RTTN: variants seen among roughly 807,000 people sequenced by gnomAD.
RTTN encodes rotatin.
Under a neutral mutation model 269.2 loss-of-function variants are expected in RTTN, and 182 were observed. The ratio of observed to expected loss-of-function variants is 0.68; its 90% CI spans 0.60 to 0.76. RTTN has a LOEUF of 0.76. RTTN is among the 30% of genes least tolerant of loss of function. The pLI is 0.00. For missense variants in RTTN, 2,545 were observed against 2,608.6 expected, an observed-to-expected ratio of 0.98 and a Z score of 0.53; for synonymous variants, 1,006 against 963.5, an observed-to-expected ratio of 1.04 and a Z score of -0.82.
chr18:70,100,877 G>A (rs879362550), intron 28 of RTTN, among the ~76,000 whole-genome samples: 4 of 152,268 alleles, frequency 2.6e-5, no homozygotes, highest in South Asian at 2.1e-4. Context: ...GATGGGTTAC[G>A]TTTATTGATC....
rs1445880928 is a variant in RTTN at position 70,078,664 on chromosome 18, C to T, written c.4375-3123G>A. ...TATTAGATGAGTTGGTCCTGGAAGC[C>T]GAGATAAGAAAGTGTAATCACAGCC... On this transcript the variant is annotated intron_variant, in intron 32 of 48. Coordinates refer to ENST00000640769, the MANE Select transcript of RTTN (RefSeq NM_173630.4). 3.3e-5 allele frequency among the ~76,000 whole-genome samples: 5 copies of T among 151,766 alleles called. No individual in the cohort carries two copies. In the East Asian group the frequency reaches 5.8e-4, roughly 18 times the overall value.
intron 23 of RTTN, among the ~76,000 whole-genome samples, chr18:70,134,258 A>C (rs139841355): frequency 3.3e-5 from 5 of 152,222 alleles, no homozygotes; most frequent in African/African-American, 1.2e-4. Flanking sequence ...ATAGCTTTCA[A>C]CTTTCCTGTA....
intron 4 of RTTN, among the ~76,000 whole-genome samples, chr18:70,201,586 C>G (rs1253348086): frequency 9.5e-6 from 1 of 105,728 alleles, no homozygotes; most frequent in African/African-American, 3.6e-5. Context: ...CCAGCCTGGG[C>G]GACAGAGCGA....
At position 70,199,442 on chromosome 18, in the gene RTTN, C is replaced by T. The variant is rs1427588879; in HGVS notation, c.550G>A (p.Asp184Asn). ...TFPWLPLTTT[D>N]RHVLSSNESS... ...TCATTAGAGGAGAGGACATGTCTGT[C>T]TGTGGTGGTCAGGGGTAGCCAAGGA... The change falls in exon 5 of 49, where the codon GAC (aspartate) becomes AAC (asparagine). Residue 184 changes from aspartate to asparagine, a missense_variant. Physicochemically the swap from Asp to Asn is conservative, Grantham distance 23 (BLOSUM62 1). Transcript: ENST00000640769. 1 of 1,612,668 alleles carries T rather than the reference C, an allele frequency of 6.2e-7. No individual in the cohort carries two copies. Among genetic ancestry groups the T allele is most frequent in the African/African-American group, 1.3e-5 (1 of 74,850 alleles).
intron 40 of RTTN, among the ~76,000 whole-genome samples, chr18:70,041,018 G>A (rs113984676): frequency 2.6e-5 from 4 of 151,908 alleles, no homozygotes; most frequent in Non-Finnish European, 4.4e-5. Context: ...TCAGGAGTTC[G>A]AGACCAGTTT....
intron 17 of RTTN, among the ~76,000 whole-genome samples, chr18:70,146,431 C>A (rs530619399): frequency 1.3e-5 from 2 of 152,202 alleles, no homozygotes; most frequent in East Asian, 3.9e-4. Context: ...GTCACTGAGG[C>A]GGCAGATATT....
At chr18:70,041,256 A>C (rs1184925983) in intron 40 of RTTN, among the ~76,000 whole-genome samples, 1 of 151,876 alleles carries the variant, frequency 6.6e-6, no homozygotes, top group Admixed American at 6.6e-5. Context: ...AAAAATAAAA[A>C]ATTGCTCACT....
chr18:70,095,183 C>T (rs1173640352), intron 28 of RTTN, among the ~76,000 whole-genome samples: 2 of 149,562 alleles, frequency 1.3e-5, no homozygotes, highest in Non-Finnish European at 3.0e-5. Context: ...TTATTTCAAA[C>T]TTATGTGTGT....
At chr18:70,125,725 AT>A (rs1373662294) in intron 25 of RTTN, among the ~76,000 whole-genome samples, 5 of 151,984 alleles carry the variant, frequency 3.3e-5, no homozygotes, top group Non-Finnish European at 7.4e-5. Flanking sequence ...GGAATCTTCT[AT>A]CTCCAAGCAC....
intron 28 of RTTN, among the ~76,000 whole-genome samples, chr18:70,106,005 G>C (rs2059311624): frequency 6.6e-6 from 1 of 152,046 alleles, no homozygotes; most frequent in African/African-American, 2.4e-5. Flanking sequence ...AGTAGAAATA[G>C]CCCAAAGATG....
At chr18:70,019,928 T>C (rs2056653077) in intron 45 of RTTN, 1 of 152,206 alleles carries the variant, frequency 6.6e-6, no homozygotes, top group Non-Finnish European at 1.5e-5. Flanking sequence ...GGCCTTCAAG[T>C]AAAAGAAATG....
intron 21 of RTTN, among the ~76,000 whole-genome samples, chr18:70,137,698 G>C (rs1266407960): frequency 6.6e-6 from 1 of 152,050 alleles, no homozygotes; most frequent in Non-Finnish European, 1.5e-5. Context: ...ACTCATTTCT[G>C]AAATTCCATC....
At chr18:70,114,989 C>T (rs2059567966) in intron 26 of RTTN, among the ~76,000 whole-genome samples, 2 of 151,862 alleles carry the variant, frequency 1.3e-5, no homozygotes, top group South Asian at 2.1e-4. Flanking sequence ...TTTTTTCCTA[C>T]TTCCCGTTAT....
At chr18:70,073,036 C>G (rs1044216672) in intron 34 of RTTN, among the ~76,000 whole-genome samples, 1 of 152,108 alleles carries the variant, frequency 6.6e-6, no homozygotes, top group African/African-American at 2.4e-5. Flanking sequence ...ATAGATTAAA[C>G]ATAATCTTTA....
At chr18:70,164,274 A>G (rs1459220008) in intron 14 of RTTN, among the ~76,000 whole-genome samples, 2 of 102,536 alleles carry the variant, frequency 2.0e-5, no homozygotes, top group East Asian at 3.6e-4. Context: ...GTGCAGTGGC[A>G]TGATCACAGC....
intron 28 of RTTN, among the ~76,000 whole-genome samples, chr18:70,103,432 G>T (rs1364655912): frequency 1.3e-5 from 2 of 152,082 alleles, no homozygotes; most frequent in African/African-American, 4.8e-5. Flanking sequence ...TTCTGCCTTG[G>T]GATGCTGTTA....
chr18:70,108,278 AAAAAAAAAAAAGT>A (rs2059375058), intron 28 of RTTN, among the ~76,000 whole-genome samples: 1 of 25,016 alleles, frequency 4.0e-5, no homozygotes, highest in Non-Finnish European at 1.3e-3. Flanking sequence ...CTCTGTCTCA[AAAAAAAAAAAAGT>A]CATTTCATTT....
Position 70,135,960 on chromosome 18 carries a change from A to G in RTTN, c.2789-680T>C, listed in dbSNP as rs534340670. On this transcript the variant is annotated intron_variant, in intron 21 of 48. Transcript: ENST00000640769. ...ATCTCCTTGAAACCTATGAAATTCT[A>G]AACAAAGAAGTACGATGTTATCTCA... 3.2e-4 allele frequency among the ~76,000 whole-genome samples: 49 copies of G among 152,274 alleles called. 1 individual carries two copies. The South Asian group carries it at 9.9e-3, about 31-fold the overall frequency.
At chr18:70,103,124 C>A (rs2059219681) in intron 28 of RTTN, among the ~76,000 whole-genome samples, 2 of 148,112 alleles carry the variant, frequency 1.4e-5, no homozygotes, top group African/African-American at 5.0e-5. Context: ...CCAGCCGCCA[C>A]CCCGTCTGGG....
Sources: gnomAD v4.1 joint callset for allele counts (sites outside exome capture counted in the v4.1 genomes callset) on GRCh38, gnomAD v4.1.1 for gene constraint, MANE v1.5 for transcripts, NCBI Gene and HGNC (gene_info 2026-07-23, HGNC 2026-07-21) for gene names.